Variants in ARHGAP23 observed in about 807,000 individuals in gnomAD.
ARHGAP23 encodes Rho GTPase activating protein 23.
ARHGAP23 carries 34 observed loss-of-function variants against 136.3 expected under a neutral mutation model. The ratio of observed to expected loss-of-function variants is 0.25; its 90% confidence interval spans 0.19 to 0.33. The LOEUF is 0.33. Ranked by LOEUF, ARHGAP23 falls within the 10% of genes least tolerant of loss-of-function variation. The pLI, the probability that ARHGAP23 is intolerant of heterozygous loss-of-function variation, is 1.00. For missense variants in ARHGAP23, 1,808 were observed against 2,139.0 expected (o/e 0.85, Z 3.05); for synonymous variants, 832 against 920.5 (o/e 0.90, Z 1.74).
intron 20 of ARHGAP23, among the ~76,000 whole-genome samples, chr17:38,493,582 C>T (rs137966440): frequency 6.6e-6 from 1 of 152,290 alleles, no homozygotes; most frequent in African/African-American, 2.4e-5. Flanking sequence ...CTGAACGTAA[C>T]CAGCCCTGGA....
At chr17:38,460,769 A>T in intron 2 of ARHGAP23, 136 bp from the exon 3 acceptor site, 1 of 1,519,788 alleles carries the variant, frequency 6.6e-7, no homozygotes, top group East Asian at 2.5e-5. Context: ...CCCCTCCCGC[A>T]CCCTCCCCTG....
At chr17:38,460,433 G>A (rs997442650) in intron 2 of ARHGAP23, among the ~76,000 whole-genome samples, 4 of 152,216 alleles carry the variant, frequency 2.6e-5, no homozygotes, top group African/African-American at 9.6e-5. Flanking sequence ...TGCACACCCC[G>A]CCTCCCTTGT....
At chr17:38,421,645 AT>A (rs2038521740) in intron 1 of ARHGAP23, among the ~76,000 whole-genome samples, 1 of 152,182 alleles carries the variant, frequency 6.6e-6, no homozygotes, top group Admixed American at 6.5e-5. Flanking sequence ...CATGCCTGGA[AT>A]CTCTCACGGG....
intron 1 of ARHGAP23, among the ~76,000 whole-genome samples, chr17:38,455,944 CT>C (rs2039313902): frequency 6.6e-6 from 1 of 152,218 alleles, no homozygotes; most frequent in South Asian, 2.1e-4. Flanking sequence ...TGGACTACCC[CT>C]GATGTCAAAA....
rs1259499614 is a variant in ARHGAP23, at chr17:38,461,581, C to T, written c.253+649C>T. ...TCCAGAGGCCGTGATGAGGGAGGAG[C>T]CCGCTGACCTAGAGCGGCCCATTTC... is the stretch of plus-strand genomic sequence containing the variant. On this transcript the variant is annotated intron_variant, in intron 3 of 23. Coordinates refer to ENST00000622683, the MANE Select transcript of ARHGAP23 (RefSeq NM_001199417.2). Among the ~76,000 whole-genome samples, 3 of 152,220 alleles carry T rather than the reference C, an allele frequency of 2.0e-5. 1 individual carries two copies. In the South Asian group the frequency reaches 6.2e-4, roughly 31 times the overall value.
rs549271272 is a variant in ARHGAP23 at position 38,422,582 on chromosome 17, C to T, written n.120+3183C>T. On this transcript the variant is annotated intron_variant and non_coding_transcript_variant, in intron 1 of 4. Coordinates refer to the ARHGAP23 transcript ENST00000633445. ...CACCTCCTGACCTGACATGGGGCCT[C>T]GCTGGGTGTGGCTTGCTTACCCTGC... Among the ~76,000 whole-genome samples, 20 of 152,256 alleles carry T rather than the reference C, an allele frequency of 1.3e-4. No homozygotes were observed. In the South Asian group the frequency reaches 4.1e-3, roughly 32 times the overall value.
At chr17:38,476,261 C>G (rs916829016) in intron 11 of ARHGAP23, among the ~76,000 whole-genome samples, 2 of 152,158 alleles carry the variant, frequency 1.3e-5, no homozygotes, top group African/African-American at 4.8e-5. Context: ...TGTGCATCCT[C>G]TAAGCAAGAG....
intron 23 of ARHGAP23, among the ~76,000 whole-genome samples, chr17:38,507,666 G>A (rs1483782371): frequency 6.6e-6 from 1 of 152,204 alleles, no homozygotes; most frequent in Non-Finnish European, 1.5e-5. Flanking sequence ...GGCCAGGAAA[G>A]AAAGCAGTAC....
chr17:38,470,928 C>T (rs34337872), intron 10 of ARHGAP23, among the ~76,000 whole-genome samples: 60,006 of 151,250 alleles, frequency 0.4, 12,428 homozygotes, highest in East Asian at 0.6. Flanking sequence ...TAAAATCATA[C>T]ATATATTTTT....
At chr17:38,452,686 G>T (rs2039204950) in intron 1 of ARHGAP23, among the ~76,000 whole-genome samples, 1 of 152,224 alleles carries the variant, frequency 6.6e-6, no homozygotes, top group Non-Finnish European at 1.5e-5. Flanking sequence ...TATTGTTGGT[G>T]AACAGTCAAG....
At chr17:38,424,083 T>C (rs1271405566), upstream of ARHGAP23, among the ~76,000 whole-genome samples, 3 of 150,452 alleles carry the variant, frequency 2.0e-5, no homozygotes, top group South Asian at 2.1e-4. Context: ...ATACAGCTAC[T>C]GGGGGCTGGG....
chr17:38,434,618 C>T (rs1389349177), intron 1 of ARHGAP23, among the ~76,000 whole-genome samples: 2 of 152,170 alleles, frequency 1.3e-5, no homozygotes, highest in South Asian at 2.1e-4. Context: ...TGGGAGACCG[C>T]GTGGGAGCCA....
intron 20 of ARHGAP23, among the ~76,000 whole-genome samples, chr17:38,495,906 ATT>A (rs58922479): frequency 2.0e-5 from 3 of 151,488 alleles, no homozygotes; most frequent in Non-Finnish European, 4.4e-5. Context: ...TTATTCATTT[ATT>A]TTTTTTGAGA....
At position 38,466,637 on chromosome 17, in the gene ARHGAP23, C is replaced by G. The variant is rs2039605483; in HGVS notation, c.954C>G (p.Asp318Glu). 6.6e-7 allele frequency: 1 copy of G among 1,522,150 alleles called. No individual in the cohort carries two copies. Among genetic ancestry groups the G allele is most frequent in the East Asian group, 2.5e-5 (1 of 40,774 alleles). 94.3% of individuals were successfully genotyped at this position (1,522,150 alleles called of 1,614,324 possible). A position where few individuals can be genotyped will look rare whatever the true frequency, so the allele number is the denominator to read the frequency against. The change falls in exon 7 of 24, where the codon GAC (aspartate) becomes GAG (glutamate). Residue 318 changes from aspartate to glutamate, a missense_variant. By Grantham distance (45) the Asp-to-Glu change is conservative. Around this residue, in one of 7 missense-constraint regions of ARHGAP23, gnomAD observed 859 missense variants for 936.4 expected, o/e 0.92. Transcript: ENST00000622683. ...CCCGGGCCCGCAGCGCCTCCCAGGA[C>G]CGGTTGGAGGAGGTGGCTGCCCCCC... is the stretch of plus-strand genomic sequence containing the variant. Reference protein sequence around the residue: ...MAPRARSASQDRLEEVAAPRP... With the variant: ...MAPRARSASQERLEEVAAPRP...
chr17:38,482,067 T>C lies in ARHGAP23; in HGVS notation c.2675T>C (p.Ile892Thr). The change falls in exon 15 of 24, where the codon ATC (isoleucine) becomes ACC (threonine). Residue 892 changes from isoleucine (I) to threonine (T), a missense_variant. Around this residue, in one of 7 missense-constraint regions of ARHGAP23, gnomAD observed 73 missense variants for 82.5 expected, o/e 0.88. Coordinates refer to ENST00000622683, the MANE Select transcript of ARHGAP23 (RefSeq NM_001199417.2). ...AAAACCCCCTGGGGCATCAACATCA[T>C]CAAGAAAAATAAGAAGGCCGCTCCG... Reference protein sequence around the residue: ...APKTPWGINIIKKNKKAAPRA... With the variant: ...APKTPWGINITKKNKKAAPRA... The C allele has an allele frequency of 6.5e-7, 1 of 1,549,716 alleles. No individual in the cohort carries two copies. Among genetic ancestry groups the C allele is most frequent in the South Asian group, 1.2e-5 (1 of 83,804 alleles).
Position 38,512,059 on chromosome 17 carries a change from C to G in ARHGAP23, c.*1087C>G, listed in dbSNP as rs1284726303. ...GGGAAGCCCAGGTAGGTGGTGAACCCGCTGCCACGTCTATCAGTCCTCTTG... is the reference window on the plus strand; with the variant it reads ...GGGAAGCCCAGGTAGGTGGTGAACCGGCTGCCACGTCTATCAGTCCTCTTG... On this transcript the variant is annotated 3_prime_UTR_variant, in exon 24 of 24. Coordinates refer to ENST00000622683, the MANE Select transcript of ARHGAP23 (RefSeq NM_001199417.2). The G allele has an allele frequency of 6.6e-6, 1 of 152,218 alleles. No homozygotes were observed. 9.4% of individuals were successfully genotyped at this position (152,218 alleles called of 1,614,324 possible). A position where few individuals can be genotyped will look rare whatever the true frequency, so the allele number is the denominator to read the frequency against.
upstream of ARHGAP23, among the ~76,000 whole-genome samples, chr17:38,425,998 C>CCTGCGGGGT (rs1225390955): frequency 2.0e-5 from 3 of 152,028 alleles, no homozygotes; most frequent in Non-Finnish European, 4.4e-5. Context: ...CTCACCCCCT[C>CCTGCGGGGT]CTGCGGGGTC....
intron 3 of ARHGAP23, among the ~76,000 whole-genome samples, chr17:38,461,510 C>T (rs1449921815): frequency 6.6e-6 from 1 of 152,234 alleles, no homozygotes; most frequent in Non-Finnish European, 1.5e-5. Flanking sequence ...CCTGCTCTGC[C>T]ACTGGGGCTT....
chr17:38,427,324 C>T (rs145314058), upstream of ARHGAP23, among the ~76,000 whole-genome samples: 18 of 152,146 alleles, frequency 1.2e-4, no homozygotes, highest in East Asian at 2.7e-3. Context: ...GTTAGGTGGG[C>T]GGTGTGGCAT....
Sources: gnomAD v4.1 joint callset for allele counts (sites outside exome capture counted in the v4.1 genomes callset) on GRCh38, gnomAD v4.1.1 for gene constraint, gnomAD v4.1.1 regional missense constraint, MANE v1.5 for transcripts, NCBI Gene and HGNC (gene_info 2026-07-23, HGNC 2026-07-21) for gene names.